CRNKL1: variants seen among roughly 807,000 people sequenced by gnomAD.
CRNKL1 encodes the protein crooked neck-like protein 1.
In CRNKL1, 35 loss-of-function variants were observed where a neutral mutation model predicts 103.7. The ratio of observed to expected loss-of-function variants is 0.34; its 90% confidence interval spans 0.26 to 0.45. The LOEUF is 0.45. CRNKL1 is among the 20% of genes least tolerant of loss of function. The pLI, the probability that CRNKL1 is intolerant of heterozygous loss-of-function variation, is 1.00. For synonymous variants in CRNKL1, 267 were observed against 282.6 expected (o/e 0.94, Z 0.55); for missense variants, 645 against 836.0 (o/e 0.77, Z 2.82).
rs773294852 is a variant in CRNKL1, at chr20:20,034,571, T to A, written c.*1624A>T. On this transcript the variant is annotated 3_prime_UTR_variant, in exon 14 of 14. Transcript: ENST00000536226. Reference sequence around the variant, plus strand: ...CATAAACAGATAATTCTAGGAAGACTGTGATTAAGTCACTTGCATTCTGAC... The same window carrying A: ...CATAAACAGATAATTCTAGGAAGACAGTGATTAAGTCACTTGCATTCTGAC... 1.3e-5 allele frequency: 2 copies of A among 151,828 alleles called. No individual in the cohort carries two copies. The highest frequency in any genetic ancestry group is 2.9e-5 in the Non-Finnish European group (2 of 68,008). 9.4% of individuals were successfully genotyped at this position (151,828 alleles called of 1,614,324 possible). A position where few individuals can be genotyped will look rare whatever the true frequency, so the allele number is the denominator to read the frequency against.
chr20:20,049,822 CTT>C (rs548948697), intron 2 of CRNKL1, among the ~76,000 whole-genome samples: 16 of 144,680 alleles, frequency 1.1e-4, no homozygotes, highest in African/African-American at 1.0e-4. Flanking sequence ...TTCTTTCTTT[CTT>C]TTTTTTTTTT....
intron 12 of CRNKL1, 98 bp downstream of exon 12, chr20:20,038,251 A>G (rs59676123): frequency 2.7e-6 from 2 of 739,802 alleles, no homozygotes; most frequent in East Asian, 3.0e-5. Context: ...AAAAAAAAAA[A>G]AAACAAAAAC....
Position 20,048,337 on chromosome 20 carries a change from A to G in CRNKL1, c.455+6T>C, listed in dbSNP as rs2043627865. 3 of 1,613,908 alleles carry G rather than the reference A, an allele frequency of 1.9e-6. No homozygotes were observed. The highest frequency in any genetic ancestry group is 2.5e-6 in the Non-Finnish European group (3 of 1,179,828). ...AAAAGGCTGTTTTGTTAGATCAGAA[A>G]CTTACCAGAACTGATTAACTCGAGG... On this transcript the variant is annotated splice_donor_region_variant and intron_variant, in intron 4 of 13. Transcript: ENST00000536226.
chr20:20,035,335 T>TAAGTC lies in CRNKL1; in HGVS notation c.*855_*859dup, dbSNP rs2043402896. The TAAGTC allele has an allele frequency of 6.6e-6, 1 of 152,182 alleles. No homozygotes were observed. Among genetic ancestry groups the TAAGTC allele is most frequent in the Non-Finnish European group, 1.5e-5 (1 of 68,036 alleles). 9.4% of individuals were successfully genotyped at this position (152,182 alleles called of 1,614,324 possible). On this transcript the variant is annotated 3_prime_UTR_variant, in exon 14 of 14. Transcript: ENST00000536226. Reference sequence around the variant, plus strand: ...ATAAAGAGATTTGATTAACGAGACTTAAGTCTTAGTCCAGAATTTCCCAAA... The same window carrying TAAGTC: ...ATAAAGAGATTTGATTAACGAGACTTAAGTCAAGTCTTAGTCCAGAATTTCCCAAA...
Position 20,039,712 on chromosome 20 carries a change from G to A in CRNKL1, c.1442C>T (p.Ser481Leu). The change falls in exon 11 of 14, where the codon TCA becomes TTA. Residue 481 changes from serine (S) to leucine (L), a missense_variant. Ser to Leu is a moderately radical substitution (Grantham distance 145). Coordinates refer to ENST00000536226, the MANE Select transcript of CRNKL1 (RefSeq NM_001278628.2). ...FLEFGPENCT[S>L]WIKFAELETI... is the part of the protein sequence containing the mutation. Reference sequence around the variant, plus strand: ...CTCTAATTCAGCGAATTTAATCCATGAGGTACAATTTTCAGGTCCAAATTC... The same window carrying A: ...CTCTAATTCAGCGAATTTAATCCATAAGGTACAATTTTCAGGTCCAAATTC... The A allele has an allele frequency of 1.2e-6, 2 of 1,614,174 alleles. No individual in the cohort carries two copies. Among genetic ancestry groups the A allele is most frequent in the South Asian group, 1.1e-5 (1 of 91,086 alleles).
At position 20,052,277 on chromosome 20, in the gene CRNKL1, C is replaced by G. The variant is rs765151718; in HGVS notation, c.51+15G>C. The G allele has an allele frequency of 3.1e-6, 5 of 1,601,826 alleles. No homozygotes were observed. The Admixed American group carries it at 8.4e-5, about 27-fold the overall frequency. ...TCCTAGGCCACCTCCTACAAGGCCC[C>G]TCGCGATCGCCTACCTTGGCCACTT... On this transcript the variant is annotated intron_variant, in intron 1 of 13. Coordinates refer to ENST00000536226, the MANE Select transcript of CRNKL1 (RefSeq NM_001278628.2).
chr20:20,045,514 C>A, intron 5 of CRNKL1, 28 bp from the exon 6 acceptor site: 1 of 1,563,630 alleles, frequency 6.4e-7, no homozygotes, highest in South Asian at 1.2e-5. Flanking sequence ...AAATCCCAGG[C>A]AAAACAGCAT....
rs548088400 is a variant in CRNKL1 at position 20,047,894 on chromosome 20, C to T, written c.493G>A (p.Val165Ile). The T allele has an allele frequency of 3.2e-5, 52 of 1,614,114 alleles. No homozygotes were observed. The highest frequency in any genetic ancestry group is 8.0e-5 in the African/African-American group (6 of 74,952). Reference protein sequence around the residue: ...YTYMEEMLGNVAGARQVFERW... With the variant: ...YTYMEEMLGNIAGARQVFERW... ...TCAAACACCTGCCGGGCACCGGCAA[C>T]GTTTCCCAACATTTCCTCCATGTAC... The change falls in exon 5 of 14, where the codon GTT becomes ATT. Residue 165 changes from valine (V) to isoleucine (I), a missense_variant. Physicochemically the swap from Val to Ile is conservative, Grantham distance 29. Around this residue, in one of 2 missense-constraint regions of CRNKL1, gnomAD observed 582 missense variants for 707.7 expected, o/e 0.82. Transcript: ENST00000536226.
intron 7 of CRNKL1, among the ~76,000 whole-genome samples, chr20:20,043,058 C>T (rs1057476958): frequency 6.6e-6 from 1 of 152,082 alleles, no homozygotes; most frequent in Admixed American, 6.5e-5. Context: ...GAATTGAAAT[C>T]AAAATAGTAC....
chr20:20,042,413 T>C lies in CRNKL1; in HGVS notation c.1076A>G (p.Asn359Ser), dbSNP rs767508370. 27 of 1,614,070 alleles carry C rather than the reference T, an allele frequency of 1.7e-5. No individual in the cohort carries two copies. The highest frequency in any genetic ancestry group is 3.3e-5 in the South Asian group (3 of 91,078). ...CCTCTTCTCCTGAATGGGTGGGACA[T>C]TGGCAATGGCCCTTTCATAGACTTC... Reference protein sequence around the residue: ...VREVYERAIANVPPIQEKRHW... With the variant: ...VREVYERAIASVPPIQEKRHW... The change falls in exon 8 of 14, where the codon AAT (asparagine) becomes AGT (serine). Residue 359 changes from asparagine to serine, a missense_variant. Transcript: ENST00000536226.
chr20:20,036,463 T>A, intron 13 of CRNKL1, 101 bp from the exon 14 acceptor site: 1 of 1,119,544 alleles, frequency 8.9e-7, no homozygotes, highest in African/African-American at 1.6e-5. Flanking sequence ...ACCTCCATTT[T>A]ACAAAATAAC....
rs1282485816 is a variant in CRNKL1, at chr20:20,034,727, G to A, written c.*1468C>T. The A allele has an allele frequency of 6.6e-6, 1 of 152,210 alleles. No individual in the cohort carries two copies. Among genetic ancestry groups the A allele is most frequent in the Non-Finnish European group, 1.5e-5 (1 of 68,046 alleles). 9.4% of individuals were successfully genotyped at this position (152,210 alleles called of 1,614,324 possible). On this transcript the variant is annotated 3_prime_UTR_variant, in exon 14 of 14. Transcript: ENST00000536226. ...CCGCAGTAGCTGATGCTCGTCCAGTGACTAAAGCAGTCAGGCTGAAAACAG... is the reference window on the plus strand; with the variant it reads ...CCGCAGTAGCTGATGCTCGTCCAGTAACTAAAGCAGTCAGGCTGAAAACAG...
chr20:20,036,844 TA>T (rs1186944568), intron 13 of CRNKL1, among the ~76,000 whole-genome samples: 1 of 152,180 alleles, frequency 6.6e-6, no homozygotes, highest in Non-Finnish European at 1.5e-5. Context: ...GCTCAGCTTA[TA>T]AAAACTGCTT....
chr20:20,047,175 G>C (rs1236916149), intron 5 of CRNKL1, among the ~76,000 whole-genome samples: 1 of 152,184 alleles, frequency 6.6e-6, no homozygotes, highest in African/African-American at 2.4e-5. Context: ...GGCAATGGCA[G>C]CCAGGACCTT....
At chr20:20,042,259 T>G (rs942608940) in intron 8 of CRNKL1, 66 bp downstream of exon 8, 1 of 1,365,602 alleles carries the variant, frequency 7.3e-7, no homozygotes, top group African/African-American at 1.5e-5. Context: ...ACATCCACAA[T>G]AGGTGAGCTG....
upstream of CRNKL1, chr20:20,052,549 T>G: frequency 6.2e-7 from 1 of 1,614,146 alleles, no homozygotes; most frequent in Non-Finnish European, 8.5e-7. Flanking sequence ...GCGTCCTCCT[T>G]GCGGCAGCGC....
At chr20:20,048,295 G>C (rs564030816) in intron 4 of CRNKL1, 48 bp downstream of exon 4, 2 of 1,589,764 alleles carry the variant, frequency 1.3e-6, no homozygotes, top group East Asian at 2.2e-5. Flanking sequence ...AGAAGATGTG[G>C]AACTTTGCTA....
At chr20:20,038,594 T>C (rs980113324) in intron 11 of CRNKL1, 144 bp from the exon 12 acceptor site, 5 of 548,474 alleles carry the variant, frequency 9.1e-6, no homozygotes, top group South Asian at 2.5e-5. Context: ...GTGGATAAGA[T>C]AAATAACATT....
chr20:20,052,789 G>T, upstream of CRNKL1: 1 of 1,452,974 alleles, frequency 6.9e-7, no homozygotes, highest in South Asian at 1.3e-5. Flanking sequence ...GGAGAGCGAG[G>T]AAACTACCAT....
Sources: allele counts gnomAD v4.1 joint callset (sites outside exome capture counted in the v4.1 genomes callset), GRCh38; gene constraint gnomAD v4.1.1; regional missense constraint gnomAD v4.1.1; transcripts MANE v1.5; gene names NCBI Gene and HGNC (gene_info 2026-07-23, HGNC 2026-07-21).